Variants in ADAMTS3 observed in about 807,000 individuals in gnomAD.
ADAMTS3 encodes the protein A disintegrin and metalloproteinase with thrombospondin motifs 3.
A neutral mutation model predicts 129.0 loss-of-function variants in ADAMTS3; 73 were observed. The ratio of observed to expected loss-of-function variants is 0.57; its 90% confidence interval spans 0.47 to 0.69. ADAMTS3 has a LOEUF of 0.69. Ranked by LOEUF, ADAMTS3 falls within the 30% of genes least tolerant of loss-of-function variation. ADAMTS3 has a pLI of 0.00. For missense variants in ADAMTS3, 1,457 were observed against 1,514.5 expected, an observed-to-expected ratio of 0.96 and a Z score of 0.63; for synonymous variants, 477 against 510.8, an observed-to-expected ratio of 0.93 and a Z score of 0.89.
chr4:72,393,394 T>C (rs572900005), intron 4 of ADAMTS3, among the ~76,000 whole-genome samples: 78 of 152,346 alleles, frequency 5.1e-4, no homozygotes, highest in South Asian at 1.9e-3. Flanking sequence ...GACTAACACA[T>C]TTCCTCTTTG....
At chr4:72,563,718 A>G (rs1018218090) in intron 2 of ADAMTS3, among the ~76,000 whole-genome samples, 1 of 152,212 alleles carries the variant, frequency 6.6e-6, no homozygotes, top group South Asian at 2.1e-4. Flanking sequence ...TTAGGGACCA[A>G]TTCAGCCTGG....
rs1347429841 is a variant in ADAMTS3 at position 72,309,446 on chromosome 4, G to A, written c.2130C>T (p.Ser710=). 1.9e-6 allele frequency: 3 copies of A among 1,611,900 alleles called. No homozygotes were observed. Among genetic ancestry groups the A allele is most frequent in the South Asian group, 2.2e-5 (2 of 91,026 alleles). ...DKCGVCGGDN[S]HCRTVKGTFT... ...ATGTCCCCTTCACGGTTCGGCAGTG[G>A]GAATTATCTCCTCCACAGACACCAC... The change falls in exon 15 of 22, where the codon TCC becomes TCT. Residue 710 remains serine, a synonymous_variant. Coordinates refer to ENST00000286657, the MANE Select transcript of ADAMTS3 (RefSeq NM_014243.3).
intron 11 of ADAMTS3, among the ~76,000 whole-genome samples, chr4:72,314,083 T>A (rs554234390): frequency 2.6e-5 from 4 of 152,164 alleles, no homozygotes; most frequent in East Asian, 3.9e-4. Context: ...CATTCACCAG[T>A]AAGCATCAAA....
chr4:72,291,593 TG>T (rs1263569886), intron 19 of ADAMTS3, among the ~76,000 whole-genome samples: 1 of 151,896 alleles, frequency 6.6e-6, no homozygotes, highest in East Asian at 1.9e-4. Context: ...TCCTTTTTTA[TG>T]GCTGCATAGT....
At chr4:72,446,877 A>G (rs949003178) in intron 3 of ADAMTS3, among the ~76,000 whole-genome samples, 4 of 151,656 alleles carry the variant, frequency 2.6e-5, no homozygotes, top group Non-Finnish European at 4.4e-5. Context: ...AAACTTGCCC[A>G]TAACCTCCTC....
At chr4:72,362,361 TA>T (rs1720750482) in intron 4 of ADAMTS3, among the ~76,000 whole-genome samples, 1 of 152,168 alleles carries the variant, frequency 6.6e-6, no homozygotes, top group Non-Finnish European at 1.5e-5. Context: ...ACAGTCTTCC[TA>T]AGGACTCTAC....
At chr4:72,359,259 G>A (rs914035442) in intron 4 of ADAMTS3, among the ~76,000 whole-genome samples, 3 of 151,948 alleles carry the variant, frequency 2.0e-5, no homozygotes, top group East Asian at 3.9e-4. Flanking sequence ...CATGAGCCTT[G>A]CAAAATGTCC....
At chr4:72,328,822 G>A (rs1315027448) in intron 5 of ADAMTS3, among the ~76,000 whole-genome samples, 2 of 152,122 alleles carry the variant, frequency 1.3e-5, no homozygotes, top group Non-Finnish European at 2.9e-5. Context: ...AAGATAGCCT[G>A]AGTGATTCTG....
chr4:72,288,961 C>CACACACAT, intron 20 of ADAMTS3, 93 bp from the exon 21 acceptor site: 1 of 758,586 alleles, frequency 1.3e-6, no homozygotes, highest in African/African-American at 1.7e-5. Context: ...CACACACACA[C>CACACACAT]ACACACAAAG....
In ADAMTS3 at chr4:72,319,328, A is replaced by T. The variant is rs1312654126; in HGVS notation, c.1352+4T>A. ...ACTTTCATGACATGCAGCAGGGGAC[A>T]TACTGGATATATCTTTTCAGTTCTT... On this transcript the variant is annotated splice_donor_region_variant and intron_variant, in intron 9 of 21. Coordinates refer to ENST00000286657, the MANE Select transcript of ADAMTS3 (RefSeq NM_014243.3). 6.2e-7 allele frequency: 1 copy of T among 1,613,880 alleles called. No individual in the cohort carries two copies. The highest frequency in any genetic ancestry group is 8.5e-7 in the Non-Finnish European group (1 of 1,179,884).
intron 5 of ADAMTS3, among the ~76,000 whole-genome samples, chr4:72,338,480 T>G (rs1160615537): frequency 6.6e-6 from 1 of 152,144 alleles, no homozygotes; most frequent in Non-Finnish European, 1.5e-5. Flanking sequence ...AATTGCTATC[T>G]CAATAGACCA....
At chr4:72,418,211 T>C (rs1722358548) in intron 3 of ADAMTS3, among the ~76,000 whole-genome samples, 1 of 152,066 alleles carries the variant, frequency 6.6e-6, no homozygotes, top group African/African-American at 2.4e-5. Flanking sequence ...CGAAATTATC[T>C]AGTATCTATT....
At chr4:72,520,256 G>C (rs557960358) in intron 3 of ADAMTS3, among the ~76,000 whole-genome samples, 1,649 of 152,302 alleles carry the variant, frequency 0.011, 9 homozygotes, top group Middle Eastern at 0.02. Flanking sequence ...CTACTGGGGG[G>C]TGCCTCCCAG....
chr4:72,539,747 C>T (rs1245848205), intron 3 of ADAMTS3, among the ~76,000 whole-genome samples: 1 of 152,108 alleles, frequency 6.6e-6, no homozygotes, highest in African/African-American at 2.4e-5. Context: ...GAATTAGTCT[C>T]ACAAGATCTG....
intron 3 of ADAMTS3, among the ~76,000 whole-genome samples, chr4:72,420,162 C>T (rs1272458473): frequency 6.6e-6 from 1 of 152,108 alleles, no homozygotes; most frequent in African/African-American, 2.4e-5. Flanking sequence ...ACCAAAGTTC[C>T]TACCGAGTCC....
chr4:72,369,809 A>G (rs1018147437), intron 4 of ADAMTS3, among the ~76,000 whole-genome samples: 1 of 152,116 alleles, frequency 6.6e-6, no homozygotes, highest in African/African-American at 2.4e-5. Flanking sequence ...TAACTAAGAC[A>G]TGACACAAAA....
chr4:72,401,600 A>G (rs1324534861), intron 4 of ADAMTS3, among the ~76,000 whole-genome samples: 1 of 150,844 alleles, frequency 6.6e-6, no homozygotes, highest in Non-Finnish European at 1.5e-5. Flanking sequence ...AAAAGAAAAA[A>G]AAAGAGTGAA....
intron 2 of ADAMTS3, among the ~76,000 whole-genome samples, chr4:72,557,729 G>A (rs774794714): frequency 1.8e-4 from 27 of 151,522 alleles, no homozygotes; most frequent in Non-Finnish European, 3.4e-4. Flanking sequence ...TACTGTACTA[G>A]AACATGAAAT....
intron 4 of ADAMTS3, among the ~76,000 whole-genome samples, chr4:72,406,656 G>C (rs561400376): frequency 6.6e-6 from 1 of 152,158 alleles, no homozygotes; most frequent in East Asian, 1.9e-4. Flanking sequence ...TATGTACACT[G>C]CAAGTGGGCT....
Sources: allele counts gnomAD v4.1 joint callset (sites outside exome capture counted in the v4.1 genomes callset), GRCh38; gene constraint gnomAD v4.1.1; transcripts MANE v1.5; gene names NCBI Gene and HGNC (gene_info 2026-07-23, HGNC 2026-07-21).